The following GNG7 variants were observed in gnomAD, a reference collection of about 807,000 sequenced individuals.
GNG7 encodes the protein G protein subunit gamma 7.
In GNG7, 1 loss-of-function variant was observed where a neutral mutation model predicts 4.0. The observed-to-expected ratio is 0.25, with a 90% confidence interval of 0.09 to 1.18. The LOEUF (loss-of-function observed/expected upper bound fraction) is 1.18, where lower values mean the gene tolerates loss of function less well. Among genes scored for constraint, GNG7 ranks in the 50% most tolerant of loss-of-function variants. The pLI, the probability that GNG7 is intolerant of heterozygous loss-of-function variation, is 0.50. For synonymous variants in GNG7, 34 were observed against 36.9 expected, an observed-to-expected ratio of 0.92 and a Z score of 0.29; for missense variants, 86 against 91.9, an observed-to-expected ratio of 0.94 and a Z score of 0.26.
At position 2,617,045 on chromosome 19, in the gene GNG7, G is replaced by A. The variant is rs1173174475; in HGVS notation, c.-78+29179C>T. Among the ~76,000 whole-genome samples, 3 of 152,326 alleles carry A rather than the reference G, an allele frequency of 2.0e-5. No individual in the cohort carries two copies. The highest frequency in any genetic ancestry group is 3.4e-3 in the Middle Eastern group (1 of 294). Reference sequence around the variant, plus strand: ...CTTCCACCAGTGTGCTGCCCAGCACGTGACTATCGGAAAAACTTTAGCTTA... The same window carrying A: ...CTTCCACCAGTGTGCTGCCCAGCACATGACTATCGGAAAAACTTTAGCTTA... On this transcript the variant is annotated intron_variant, in intron 2 of 4. Transcript: ENST00000382159. The surrounding 1 kb of genome is among the most constrained non-coding windows in gnomAD (Gnocchi z 4.7).
intron 2 of GNG7, among the ~76,000 whole-genome samples, chr19:2,607,063 A>G (rs1981407027): frequency 6.6e-6 from 1 of 151,566 alleles, no homozygotes; most frequent in African/African-American, 2.4e-5. Context: ...TCCACGAAAA[A>G]TTTAAAAATT....
intron 3 of GNG7, among the ~76,000 whole-genome samples, chr19:2,526,881 T>G (rs919374508): frequency 7.7e-6 from 1 of 129,742 alleles, no homozygotes; most frequent in Non-Finnish European, 1.7e-5. Context: ...AGTCTCGCTC[T>G]GTCGCCCAGG....
rs186146334 is a variant in GNG7, at chr19:2,566,369, G to A, written c.-77-11181C>T. ...GGGATGGATTCTCCCCACTGGCTTC[G>A]GAAGAACCCAGCCCTGCCTACACCT... On this transcript the variant is annotated intron_variant, in intron 2 of 4. Transcript: ENST00000382159. Among the ~76,000 whole-genome samples the A allele has an allele frequency of 1.4e-3, 208 of 152,120 alleles. 1 individual carries two copies. Among genetic ancestry groups the A allele is most frequent in the African/African-American group, 4.8e-3 (200 of 41,490 alleles).
chr19:2,681,487 T>C (rs2144899525), intron 1 of GNG7, among the ~76,000 whole-genome samples: 1 of 152,048 alleles, frequency 6.6e-6, no homozygotes, highest in Admixed American at 6.6e-5. Flanking sequence ...CCAGCCGGTC[T>C]CCAACTCTTG....
intron 3 of GNG7, among the ~76,000 whole-genome samples, chr19:2,539,600 C>T (rs1321325890): frequency 1.3e-5 from 2 of 152,060 alleles, no homozygotes; most frequent in Non-Finnish European, 1.5e-5. Flanking sequence ...ACACTGCGCC[C>T]GGCCATAAGC....
At chr19:2,661,837 G>A (rs1020356520) in intron 1 of GNG7, among the ~76,000 whole-genome samples, 2 of 152,076 alleles carry the variant, frequency 1.3e-5, no homozygotes, top group African/African-American at 4.8e-5. Context: ...AGCTCCAATC[G>A]AGCCTTCAGA....
chr19:2,661,285 A>AGGAAGGAAG (rs372826185), intron 1 of GNG7, among the ~76,000 whole-genome samples: 1 of 64,646 alleles, frequency 1.5e-5, no homozygotes, highest in Non-Finnish European at 2.8e-5. Context: ...AAAGAAAGAA[A>AGGAAGGAAG]GAAAGAAAGA....
chr19:2,598,720 A>G (rs1433584732), intron 2 of GNG7, among the ~76,000 whole-genome samples: 3 of 139,410 alleles, frequency 2.2e-5, no homozygotes, highest in African/African-American at 7.9e-5. Flanking sequence ...TAATAATAAT[A>G]ATAATGCTAC....
At chr19:2,662,247 G>A (rs367878194) in intron 1 of GNG7, among the ~76,000 whole-genome samples, 6 of 129,128 alleles carry the variant, frequency 4.6e-5, no homozygotes, top group African/African-American at 1.8e-4. Context: ...GCGACAGAGC[G>A]AGACTCCATC....
chr19:2,695,286 C>T (rs1913217990), intron 1 of GNG7, among the ~76,000 whole-genome samples: 1 of 151,460 alleles, frequency 6.6e-6, no homozygotes. Flanking sequence ...CCCCTCTCTA[C>T]CCCCCTGGAC....
chr19:2,538,457 CTG>C, intron 3 of GNG7: 1 of 211,454 alleles, frequency 4.7e-6, no homozygotes, highest in South Asian at 4.2e-5. Context: ...ACCCCCGTCT[CTG>C]CAAAAAAAAA....
At chr19:2,650,716 C>T (rs1384672734) in intron 1 of GNG7, among the ~76,000 whole-genome samples, 1 of 152,212 alleles carries the variant, frequency 6.6e-6, no homozygotes, top group Non-Finnish European at 1.5e-5. Context: ...GGGCCTTGAG[C>T]CGCACCAGCT....
intron 2 of GNG7, among the ~76,000 whole-genome samples, chr19:2,637,638 C>T (rs375874179): frequency 5.3e-5 from 8 of 152,352 alleles, no homozygotes; most frequent in African/African-American, 1.9e-4. Context: ...GGCACCACAC[C>T]TGCTCACCAC....
intron 2 of GNG7, among the ~76,000 whole-genome samples, chr19:2,583,031 C>T (rs1177291753): frequency 5.3e-5 from 8 of 152,058 alleles, no homozygotes; most frequent in Non-Finnish European, 7.4e-5. Flanking sequence ...GTCTCAAACT[C>T]TTGGGCTTAA....
chr19:2,686,740 A>G (rs1003795104), intron 1 of GNG7, among the ~76,000 whole-genome samples: 4 of 148,286 alleles, frequency 2.7e-5, no homozygotes, highest in African/African-American at 7.5e-5. Flanking sequence ...GACTTTACTT[A>G]CTTTTTTTCT....
intron 1 of GNG7, among the ~76,000 whole-genome samples, chr19:2,688,844 T>A (rs1317833158): frequency 6.6e-6 from 1 of 151,984 alleles, no homozygotes; most frequent in African/African-American, 2.4e-5. Flanking sequence ...GGTGGCAGGA[T>A]CACTTGTGTT....
chr19:2,583,293 T>C (rs78522678), intron 2 of GNG7, among the ~76,000 whole-genome samples: 13,362 of 152,252 alleles, frequency 0.088, 1,318 homozygotes, highest in East Asian at 0.36. Flanking sequence ...AAAAATTTTT[T>C]AGCAACAAGC....
chr19:2,571,157 T>G (rs1342602942), intron 2 of GNG7, among the ~76,000 whole-genome samples: 1 of 152,104 alleles, frequency 6.6e-6, no homozygotes, highest in East Asian at 1.9e-4. Context: ...GATTCCACCC[T>G]GGCCTCTCGG....
At position 2,514,839 on chromosome 19, in the gene GNG7, C is replaced by T. The variant is rs187771553; in HGVS notation, c.*183G>A. On this transcript the variant is annotated 3_prime_UTR_variant, in exon 5 of 5. Transcript: ENST00000382159. ...CCTACAAGGTCCATTCTACCCCATC[C>T]GGGCGGTGGGAACGCCTTTTTTGGC... The T allele has an allele frequency of 7.0e-4, 391 of 560,280 alleles. 2 individuals carry two copies. The highest frequency in any genetic ancestry group is 1.9e-3 in the Middle Eastern group (4 of 2,058). 34.7% of individuals were successfully genotyped at this position (560,280 alleles called of 1,614,324 possible). A position where few individuals can be genotyped will look rare whatever the true frequency, so the allele number is the denominator to read the frequency against.
Sources: allele counts gnomAD v4.1 joint callset (sites outside exome capture counted in the v4.1 genomes callset), GRCh38; gene constraint gnomAD v4.1.1; non-coding constraint Gnocchi (gnomAD v3.1); transcripts MANE v1.5; gene names NCBI Gene and HGNC (gene_info 2026-07-23, HGNC 2026-07-21).